The following ARID1A variants were observed in gnomAD, a reference collection of about 807,000 sequenced individuals.
ARID1A encodes AT-rich interaction domain 1A.
In ARID1A, 20 loss-of-function variants were observed where a neutral mutation model predicts 212.6. The ratio of observed to expected loss-of-function variants is 0.09; its 90% CI spans 0.07 to 0.14. The LOEUF (loss-of-function observed/expected upper bound fraction) is 0.14. Ranked by LOEUF, ARID1A falls within the 10% of genes least tolerant of loss-of-function variation. The pLI is 1.00. For missense variants in ARID1A, 2,587 were observed against 3,059.0 expected, an observed-to-expected ratio of 0.85 and a Z score of 3.64; for synonymous variants, 1,376 against 1,222.1, an observed-to-expected ratio of 1.13 and a Z score of -2.63.
At chr1:26,736,723 A>G (rs1329182185) in intron 4 of ARID1A, among the ~76,000 whole-genome samples, 1 of 150,866 alleles carries the variant, frequency 6.6e-6, no homozygotes, top group East Asian at 2.0e-4. Flanking sequence ...ACCAACACGG[A>G]GAAACCCCGT....
chr1:26,748,099 C>CAT (rs1025372140), intron 4 of ARID1A, among the ~76,000 whole-genome samples: 27 of 152,278 alleles, frequency 1.8e-4, no homozygotes, highest in African/African-American at 6.5e-4. Flanking sequence ...GTAGGGAAGA[C>CAT]CACTGACAAG....
chr1:26,762,514 C>T (rs1213500416), intron 7 of ARID1A, among the ~76,000 whole-genome samples, 195 bp downstream of exon 7: 1 of 152,228 alleles, frequency 6.6e-6, no homozygotes, highest in Non-Finnish European at 1.5e-5. Flanking sequence ...ATGAGAAAGT[C>T]TTTCAATTTC....
chr1:26,731,002 AG>A, intron 2 of ARID1A, 149 bp from the exon 3 acceptor site: 1 of 871,606 alleles, frequency 1.1e-6, no homozygotes, highest in Non-Finnish European at 1.8e-6. Flanking sequence ...CAGTTTAGGC[AG>A]GGTGAGAGAA....
At chr1:26,740,652 G>A (rs555009129) in intron 4 of ARID1A, among the ~76,000 whole-genome samples, 12 of 152,300 alleles carry the variant, frequency 7.9e-5, no homozygotes, top group Admixed American at 5.2e-4. Context: ...CTTGCAGATA[G>A]GTAACTGGGG....
chr1:26,769,515 AGAT>A (rs1352925512), intron 11 of ARID1A: 1 of 152,224 alleles, frequency 6.6e-6, no homozygotes, highest in East Asian at 1.9e-4. Flanking sequence ...GAGAGAGTCT[AGAT>A]ATTTCCCACC....
chr1:26,732,552 A>G, intron 3 of ARID1A, 124 bp from the exon 4 acceptor site: 1 of 718,850 alleles, frequency 1.4e-6, no homozygotes, highest in Non-Finnish European at 2.4e-6. Context: ...TTCACATAAT[A>G]CTTTTCGCAA....
chr1:26,760,934 T>A lies in ARID1A; in HGVS notation c.1999T>A (p.Ser667Thr). Residue 667 changes from serine to threonine, a missense_variant, in exon 5 of 20, where the codon TCC becomes ACC. Physicochemically the swap from Ser to Thr is moderately conservative, Grantham distance 58. Around this residue, in one of 11 missense-constraint regions of ARID1A, gnomAD observed 674 missense variants for 813.4 expected, o/e 0.83. Coordinates refer to ENST00000324856, the MANE Select transcript of ARID1A (RefSeq NM_006015.6). ...LSPGVSTSGI[S>T]SSQGEQSNPA... ...TCCTGGAGTGAGCACATCAGGGATT[T>A]CCAGCAGCCAAGGAGAGCAGAGTAA... 2.5e-6 allele frequency: 4 copies of A among 1,614,092 alleles called. No homozygotes were observed. The highest frequency in any genetic ancestry group is 1.7e-6 in the Non-Finnish European group (2 of 1,180,018).
chr1:26,753,625 G>C (rs770549440), intron 4 of ARID1A, among the ~76,000 whole-genome samples: 1 of 152,194 alleles, frequency 6.6e-6, no homozygotes, highest in Non-Finnish European at 1.5e-5. Context: ...TGCTTCCTTG[G>C]AACTGGTAGG....
intron 4 of ARID1A, among the ~76,000 whole-genome samples, chr1:26,759,882 G>A (rs1293321975): frequency 6.6e-6 from 1 of 152,186 alleles, no homozygotes; most frequent in African/African-American, 2.4e-5. Flanking sequence ...GACCTTCTTG[G>A]CAGTTAAGAA....
intron 1 of ARID1A, among the ~76,000 whole-genome samples, chr1:26,710,341 G>A (rs1243158744): frequency 2.6e-5 from 4 of 151,694 alleles, no homozygotes; most frequent in South Asian, 4.2e-4. Context: ...GGTTGAGGCA[G>A]GAGAATCGCT....
chr1:26,765,085 C>G (rs2081026520), intron 8 of ARID1A: 1 of 152,236 alleles, frequency 6.6e-6, no homozygotes, highest in African/African-American at 2.4e-5. Context: ...GTAATCCCAG[C>G]TACTCACGAG....
At chr1:26,718,094 C>A (rs1248275849) in intron 1 of ARID1A, among the ~76,000 whole-genome samples, 1 of 152,160 alleles carries the variant, frequency 6.6e-6, no homozygotes, top group Admixed American at 6.5e-5. Context: ...CCTGCCTCAG[C>A]CTCCTGAGTA....
chr1:26,754,483 C>T (rs1003643118), intron 4 of ARID1A, among the ~76,000 whole-genome samples: 3 of 152,158 alleles, frequency 2.0e-5, no homozygotes, highest in Non-Finnish European at 4.4e-5. Context: ...TTGACCCTGA[C>T]CATATGGTGC....
Position 26,779,522 on chromosome 1 carries a change from C to T in ARID1A, c.5624C>T (p.Pro1875Leu), listed in dbSNP as rs1475540094. The T allele has an allele frequency of 2.5e-6, 4 of 1,614,134 alleles. No individual in the cohort carries two copies. The highest frequency in any genetic ancestry group is 3.4e-6 in the Non-Finnish European group (4 of 1,180,026). Residue 1875 changes from proline to leucine, a missense_variant, in exon 20 of 20, where the codon CCA becomes CTA. This residue lies in a region of ARID1A where 890 missense variants were observed against 1,098.2 expected (regional missense o/e 0.81). Coordinates refer to ENST00000324856, the MANE Select transcript of ARID1A (RefSeq NM_006015.6). ...LLPSRPHAPC[P>L]PAPRKHVTTA... ...CCTTCCCGGCCTCACGCACCCTGCC[C>T]ACCAGCCCCTCGGAAGCATGTGACA...
Position 26,774,906 on chromosome 1 carries a change from C to T in ARID1A, c.4679C>T (p.Pro1560Leu), listed in dbSNP as rs775699799. 7.1e-6 allele frequency: 11 copies of T among 1,559,392 alleles called. No homozygotes were observed. The highest frequency in any genetic ancestry group is 2.3e-5 in the East Asian group (1 of 44,404). ...CAGCCCCCATATGGTCCCTCTGCCC[C>T]TGTGCCCCCCATGACAAGGCCCCCT... is the stretch of plus-strand genomic sequence containing the variant. ...TRQPPYGPSA[P>L]VPPMTRPPPS... is the part of the protein sequence containing the mutation. Residue 1560 changes from proline to leucine, a missense_variant, in exon 18 of 20, where the codon CCT (proline) becomes CTT (leucine). Transcript: ENST00000324856. The surrounding 1 kb of genome is among the most constrained non-coding windows in gnomAD (Gnocchi z 5.6).
intron 1 of ARID1A, among the ~76,000 whole-genome samples, chr1:26,718,937 GTCTC>G (rs1349354182): frequency 2.6e-5 from 4 of 152,164 alleles, no homozygotes; most frequent in African/African-American, 9.7e-5. Flanking sequence ...TGTGATTGTG[GTCTC>G]TCTCTTTCAA....
intron 4 of ARID1A, among the ~76,000 whole-genome samples, chr1:26,754,336 C>G (rs933590514): frequency 5.3e-5 from 8 of 152,210 alleles, no homozygotes; most frequent in African/African-American, 1.9e-4. Context: ...TTGGAGACTT[C>G]TGCCCTTACC....
chr1:26,720,107 C>T (rs1025555973), intron 1 of ARID1A, among the ~76,000 whole-genome samples: 12 of 151,754 alleles, frequency 7.9e-5, no homozygotes, highest in East Asian at 3.9e-4. Flanking sequence ...AAAAATTAGC[C>T]GGGCATGGTG....
Position 26,705,958 on chromosome 1 carries a change from C to A in ARID1A, c.1137+8418C>A, listed in dbSNP as rs182425879. 2.6e-5 allele frequency among the ~76,000 whole-genome samples: 4 copies of A among 152,172 alleles called. No individual in the cohort carries two copies. The East Asian group carries it at 7.7e-4, about 29-fold the overall frequency. ...ATGCTGCAGAGTAGGAAATTTGATC[C>A]CTAAAATGTTGACTTAGTGTTGGTC... is the stretch of plus-strand genomic sequence containing the variant. On this transcript the variant is annotated intron_variant, in intron 1 of 19. Coordinates refer to ENST00000324856, the MANE Select transcript of ARID1A (RefSeq NM_006015.6).
Sources: allele counts gnomAD v4.1 joint callset (sites outside exome capture counted in the v4.1 genomes callset), GRCh38; gene constraint gnomAD v4.1.1; regional missense constraint gnomAD v4.1.1; non-coding constraint Gnocchi (gnomAD v3.1); transcripts MANE v1.5; gene names NCBI Gene and HGNC (gene_info 2026-07-23, HGNC 2026-07-21).